Variants in EXOC4 observed in about 807,000 individuals in gnomAD.
EXOC4 encodes the protein SEC8-like 1.
In EXOC4, 71 loss-of-function variants were observed where a neutral mutation model predicts 107.2. The ratio of observed to expected loss-of-function variants is 0.66; its 90% CI spans 0.55 to 0.81. The LOEUF (loss-of-function observed/expected upper bound fraction) is 0.81. Among genes scored for constraint, EXOC4 ranks in the 30% least tolerant of loss-of-function variants. The probability of loss-of-function intolerance (pLI) is 0.00; values close to 1 mark genes in which losing one functional copy is unlikely to be tolerated. For missense variants in EXOC4, 1,108 were observed against 1,189.6 expected (o/e 0.93, Z 1.01); for synonymous variants, 456 against 441.2 (o/e 1.03, Z -0.42).
intron 14 of EXOC4, among the ~76,000 whole-genome samples, chr7:133,957,925 A>G (rs953243221): frequency 2.0e-5 from 3 of 152,202 alleles, no homozygotes; most frequent in Non-Finnish European, 2.9e-5. Context: ...AGTTAGCACT[A>G]CGATTCCTTT....
intron 9 of EXOC4, among the ~76,000 whole-genome samples, chr7:133,574,258 C>T (rs1585006484): frequency 1.3e-5 from 2 of 151,996 alleles, no homozygotes; most frequent in South Asian, 4.2e-4. Flanking sequence ...ATCATATACT[C>T]ATGTATAATT....
intron 14 of EXOC4, among the ~76,000 whole-genome samples, chr7:133,996,917 G>A (rs2116281113): frequency 6.6e-6 from 1 of 152,308 alleles, no homozygotes; most frequent in Non-Finnish European, 1.5e-5. Context: ...AGCCAAAATA[G>A]GTATCTTCAA....
chr7:133,683,127 T>A (rs1054702591), intron 10 of EXOC4, among the ~76,000 whole-genome samples: 3 of 152,222 alleles, frequency 2.0e-5, no homozygotes, highest in Non-Finnish European at 2.9e-5. Context: ...CCTCTCTTTC[T>A]TTGTGGGACC....
chr7:133,401,508 A>G (rs1290339935), intron 7 of EXOC4, among the ~76,000 whole-genome samples: 1 of 152,052 alleles, frequency 6.6e-6, no homozygotes, highest in Non-Finnish European at 1.5e-5. Flanking sequence ...CAAAAAATAA[A>G]AACATTAGCT....
At chr7:133,311,505 A>AT (rs1338599892) in intron 4 of EXOC4, among the ~76,000 whole-genome samples, 1 of 152,158 alleles carries the variant, frequency 6.6e-6, no homozygotes, top group Non-Finnish European at 1.5e-5. Flanking sequence ...AAGAAAATAA[A>AT]TTTAGGTGTC....
intron 11 of EXOC4, among the ~76,000 whole-genome samples, chr7:133,863,437 G>A (rs1295646646): frequency 2.6e-5 from 4 of 152,028 alleles, no homozygotes; most frequent in Non-Finnish European, 5.9e-5. Context: ...AAAAAACATC[G>A]AGACACAGTA....
intron 14 of EXOC4, among the ~76,000 whole-genome samples, chr7:133,996,169 A>G (rs1794387687): frequency 6.6e-6 from 1 of 152,246 alleles, no homozygotes; most frequent in Non-Finnish European, 1.5e-5. Flanking sequence ...TTTCTTGCTT[A>G]TATTAAGTTT....
At chr7:133,559,123 C>G (rs1800759461) in intron 9 of EXOC4, among the ~76,000 whole-genome samples, 1 of 152,122 alleles carries the variant, frequency 6.6e-6, no homozygotes, top group South Asian at 2.1e-4. Flanking sequence ...ATCCCTTTAC[C>G]ATATTTCCAT....
intron 9 of EXOC4, among the ~76,000 whole-genome samples, chr7:133,605,001 A>G (rs1345921281): frequency 6.6e-6 from 1 of 152,060 alleles, no homozygotes; most frequent in Non-Finnish European, 1.5e-5. Flanking sequence ...CTGGGATTAC[A>G]GGCATGAGCC....
At chr7:134,056,688 T>G (rs1795932794) in intron 17 of EXOC4, among the ~76,000 whole-genome samples, 1 of 152,220 alleles carries the variant, frequency 6.6e-6, no homozygotes, top group Non-Finnish European at 1.5e-5. Flanking sequence ...AAAAATTATC[T>G]GATGTAGCAG....
chr7:133,571,681 A>G (rs1199061648), intron 9 of EXOC4, among the ~76,000 whole-genome samples: 2 of 61,216 alleles, frequency 3.3e-5, no homozygotes, highest in African/African-American at 2.1e-4. Context: ...CCTCAAAGCA[A>G]AAAAAAAAAA....
chr7:133,675,966 A>T (rs569304259), intron 10 of EXOC4, among the ~76,000 whole-genome samples: 2 of 152,082 alleles, frequency 1.3e-5, no homozygotes, highest in Non-Finnish European at 2.9e-5. Context: ...TTATGCTTGT[A>T]CTATGAATAA....
At chr7:133,320,109 G>A (rs1473342559) in intron 5 of EXOC4, among the ~76,000 whole-genome samples, 2 of 152,128 alleles carry the variant, frequency 1.3e-5, no homozygotes, top group Non-Finnish European at 2.9e-5. Flanking sequence ...TGTGATTTCA[G>A]CTTAGAGCCA....
chr7:133,938,414 G>A (rs1454089782), intron 14 of EXOC4, among the ~76,000 whole-genome samples: 1 of 152,122 alleles, frequency 6.6e-6, no homozygotes, highest in African/African-American at 2.4e-5. Context: ...AACTTCTCAA[G>A]GGCAGAAACT....
chr7:133,923,691 C>G (rs1359789760), intron 13 of EXOC4, among the ~76,000 whole-genome samples: 2 of 152,180 alleles, frequency 1.3e-5, no homozygotes, highest in Non-Finnish European at 2.9e-5. Context: ...CAGATCTTCT[C>G]CCACTGTACA....
intron 10 of EXOC4, among the ~76,000 whole-genome samples, chr7:133,723,135 A>C (rs1023372986): frequency 6.6e-6 from 1 of 152,240 alleles, no homozygotes; most frequent in African/African-American, 2.4e-5. Flanking sequence ...TATTTGTGCT[A>C]CATGTCTGTT....
At chr7:133,369,958 T>C (rs6950324) in intron 6 of EXOC4, among the ~76,000 whole-genome samples, 99,570 of 151,714 alleles carry the variant, frequency 0.66, 33,727 homozygotes, top group African/African-American at 0.81. Context: ...GCATGCACCA[T>C]GACGCCCAGC....
chr7:133,905,696 A>C (rs1175297121), intron 12 of EXOC4, among the ~76,000 whole-genome samples: 3 of 152,134 alleles, frequency 2.0e-5, no homozygotes, highest in African/African-American at 7.2e-5. Context: ...CTGGCAGAGA[A>C]TACAAATAAA....
intron 9 of EXOC4, among the ~76,000 whole-genome samples, chr7:133,569,893 T>C (rs1333427170): frequency 1.3e-5 from 2 of 152,192 alleles, no homozygotes; most frequent in Non-Finnish European, 2.9e-5. Context: ...TCTGTCACCG[T>C]TGGAATATGT....
Sources: allele counts gnomAD v4.1 joint callset (sites outside exome capture counted in the v4.1 genomes callset), GRCh38; gene constraint gnomAD v4.1.1; transcripts MANE v1.5; gene names NCBI Gene and HGNC (gene_info 2026-07-23, HGNC 2026-07-21).